Variants in PTPRM observed in about 807,000 individuals in gnomAD.
PTPRM encodes the protein protein tyrosine phosphatase receptor type M, also known as receptor-type tyrosine-protein phosphatase mu.
A neutral mutation model predicts 186.7 loss-of-function variants in PTPRM; 47 were observed. The ratio of observed to expected loss-of-function variants is 0.25; its 90% CI spans 0.20 to 0.32. PTPRM has a LOEUF of 0.32. Ranked by LOEUF, PTPRM falls within the 10% of genes least tolerant of loss-of-function variation. PTPRM has a pLI of 1.00. For missense variants in PTPRM, 1,494 were observed against 1,865.0 expected, an observed-to-expected ratio of 0.80 and a Z score of 3.66; for synonymous variants, 668 against 674.9, an observed-to-expected ratio of 0.99 and a Z score of 0.16.
intron 2 of PTPRM, among the ~76,000 whole-genome samples, chr18:7,871,096 G>C (rs2047962507): frequency 6.6e-6 from 1 of 152,208 alleles, no homozygotes; most frequent in African/African-American, 2.4e-5. Flanking sequence ...CAAGAGCCCA[G>C]TTGCTTTCCT....
chr18:7,832,140 T>C (rs1303663678), intron 2 of PTPRM, among the ~76,000 whole-genome samples: 2 of 152,172 alleles, frequency 1.3e-5, no homozygotes, highest in Admixed American at 6.6e-5. Flanking sequence ...TGGATATATA[T>C]GTGCAGTGGG....
At chr18:8,081,353 T>C (rs2145196871) in intron 9 of PTPRM, among the ~76,000 whole-genome samples, 1 of 152,272 alleles carries the variant, frequency 6.6e-6, no homozygotes, top group East Asian at 1.9e-4. Context: ...ACATGGCACC[T>C]CCCATAAAAT....
At chr18:7,661,914 T>C (rs2038988617) in intron 1 of PTPRM, among the ~76,000 whole-genome samples, 1 of 151,980 alleles carries the variant, frequency 6.6e-6, no homozygotes, top group Admixed American at 6.5e-5. Context: ...ACAGGTGTGC[T>C]CATGTATATG....
intron 1 of PTPRM, among the ~76,000 whole-genome samples, chr18:7,657,491 C>T (rs2038877715): frequency 6.6e-6 from 1 of 152,198 alleles, no homozygotes; most frequent in South Asian, 2.1e-4. Context: ...CATTTTCCTC[C>T]TTCACCTCGC....
rs569598298 is a variant in PTPRM, at chr18:7,755,916, CA to C, written c.74-18232del. 2.3e-3 allele frequency among the ~76,000 whole-genome samples: 354 copies of C among 152,300 alleles called. 3 individuals carry two copies. Among genetic ancestry groups the C allele is most frequent in the African/African-American group, 8.4e-3 (348 of 41,560 alleles). Reference sequence around the variant, plus strand: ...TTCTCCCTCTAGTGTTCCACTTGCACAGGGGTAAGTTGCACAACTTTGTTCC... The same window carrying C: ...TTCTCCCTCTAGTGTTCCACTTGCACGGGGTAAGTTGCACAACTTTGTTCC... On this transcript the variant is annotated intron_variant, in intron 1 of 32. Coordinates refer to ENST00000580170, the MANE Select transcript of PTPRM (RefSeq NM_001105244.2).
intron 1 of PTPRM, among the ~76,000 whole-genome samples, chr18:7,691,598 A>G (rs1400953297): frequency 3.3e-5 from 5 of 152,138 alleles, no homozygotes; most frequent in Non-Finnish European, 7.3e-5. Context: ...TGAGGATATT[A>G]AATAACTTTA....
intron 7 of PTPRM, among the ~76,000 whole-genome samples, chr18:8,040,697 T>C (rs1026427626): frequency 6.6e-6 from 1 of 152,336 alleles, no homozygotes; most frequent in African/African-American, 2.4e-5. Context: ...AATTGTTCGA[T>C]GAGAGAGCTA....
At position 7,769,503 on chromosome 18, in the gene PTPRM, G is replaced by A. The variant is rs1226844503; in HGVS notation, c.74-4646G>A. Among the ~76,000 whole-genome samples, 3 of 151,948 alleles carry A rather than the reference G, an allele frequency of 2.0e-5. No homozygotes were observed. The South Asian group carries it at 6.2e-4, about 32-fold the overall frequency. On this transcript the variant is annotated intron_variant, in intron 1 of 32. Transcript: ENST00000580170. ...CAGTCATATTTTCTTCTTTGCACTGGCTACCCCAAAACTCAAAGTGAAATC... is the reference window on the plus strand; with the variant it reads ...CAGTCATATTTTCTTCTTTGCACTGACTACCCCAAAACTCAAAGTGAAATC...
chr18:7,912,193 G>C (rs767480173), intron 4 of PTPRM, among the ~76,000 whole-genome samples: 1 of 152,104 alleles, frequency 6.6e-6, no homozygotes, highest in Admixed American at 6.5e-5. Context: ...AGCTATTTGA[G>C]TTAATATTTG....
intron 2 of PTPRM, among the ~76,000 whole-genome samples, chr18:7,849,147 C>T (rs2046742657): frequency 6.6e-6 from 1 of 152,158 alleles, no homozygotes; most frequent in African/African-American, 2.4e-5. Context: ...TTTCCCCTCA[C>T]CTATCAAATG....
intron 7 of PTPRM, among the ~76,000 whole-genome samples, chr18:8,030,145 T>A (rs886803262): frequency 6.6e-6 from 1 of 152,258 alleles, no homozygotes; most frequent in African/African-American, 2.4e-5. Context: ...GCATATGCTT[T>A]GTACAATACA....
intron 2 of PTPRM, among the ~76,000 whole-genome samples, chr18:7,852,886 A>G (rs1405405879): frequency 6.6e-6 from 1 of 152,168 alleles, no homozygotes; most frequent in Non-Finnish European, 1.5e-5. Flanking sequence ...TAAAAAATAA[A>G]TAATACATAG....
chr18:8,152,400 G>A (rs778807532), intron 14 of PTPRM, among the ~76,000 whole-genome samples: 11 of 152,062 alleles, frequency 7.2e-5, no homozygotes, highest in Non-Finnish European at 1.0e-4. Context: ...CCTTTTCTGA[G>A]TCTCCCTCCA....
At chr18:7,868,167 G>A (rs1007186479) in intron 2 of PTPRM, among the ~76,000 whole-genome samples, 9 of 152,062 alleles carry the variant, frequency 5.9e-5, no homozygotes, top group Non-Finnish European at 8.8e-5. Context: ...GGAGGAGTTC[G>A]TTATTACCCA....
chr18:8,139,420 C>G (rs1326922282), intron 13 of PTPRM, among the ~76,000 whole-genome samples: 2 of 152,170 alleles, frequency 1.3e-5, no homozygotes. Context: ...AGCCTCGTAA[C>G]TGAGGTCCCT....
intron 14 of PTPRM, among the ~76,000 whole-genome samples, chr18:8,158,240 T>C (rs1345953942): frequency 6.6e-6 from 1 of 152,238 alleles, no homozygotes; most frequent in Non-Finnish European, 1.5e-5. Flanking sequence ...GGCTGCATAA[T>C]TACTACTAAA....
chr18:8,057,513 T>G (rs1229587027), intron 7 of PTPRM, among the ~76,000 whole-genome samples: 1 of 142,216 alleles, frequency 7.0e-6, no homozygotes, highest in Non-Finnish European at 1.5e-5. Context: ...GCAGGTTAGT[T>G]ACATATGTAT....
intron 7 of PTPRM, among the ~76,000 whole-genome samples, chr18:7,986,008 G>A (rs537122556): frequency 1.8e-4 from 28 of 152,242 alleles, no homozygotes; most frequent in African/African-American, 6.3e-4. Flanking sequence ...CCCTGACAGT[G>A]TAAAACTTTC....
chr18:7,925,600 G>GT (rs1263865212), intron 4 of PTPRM, among the ~76,000 whole-genome samples: 2 of 152,066 alleles, frequency 1.3e-5, no homozygotes, highest in Admixed American at 1.3e-4. Context: ...CTGGCAAGGC[G>GT]TGACAGATGC....
Sources: gnomAD v4.1 joint callset for allele counts (sites outside exome capture counted in the v4.1 genomes callset) on GRCh38, gnomAD v4.1.1 for gene constraint, MANE v1.5 for transcripts, NCBI Gene and HGNC (gene_info 2026-07-23, HGNC 2026-07-21) for gene names.